Variants in CTIF observed in about 807,000 individuals in gnomAD.
CTIF encodes the protein CBP80/20-dependent translation initiation factor.
CTIF carries 21 observed loss-of-function variants against 66.0 expected under a neutral mutation model. The ratio of observed to expected loss-of-function variants is 0.32; its 90% CI spans 0.23 to 0.46. The LOEUF is 0.46. CTIF is among the 20% of genes least tolerant of loss of function. CTIF has a pLI of 1.00. For missense variants in CTIF, 739 were observed against 812.7 expected (o/e 0.91, Z 1.10); for synonymous variants, 345 against 326.4 (o/e 1.06, Z -0.62).
At chr18:48,611,528 A>T (rs7240702) in intron 1 of CTIF, among the ~76,000 whole-genome samples, 1 of 152,220 alleles carries the variant, frequency 6.6e-6, no homozygotes, top group East Asian at 1.9e-4. Flanking sequence ...ATGGATAAAG[A>T]AGACGTGCAA....
intron 3 of CTIF, among the ~76,000 whole-genome samples, chr18:48,657,601 T>C (rs1322028516): frequency 6.6e-6 from 1 of 152,122 alleles, no homozygotes; most frequent in Non-Finnish European, 1.5e-5. Context: ...GAATCAGCTC[T>C]GCACGGGAGT....
intron 2 of CTIF, among the ~76,000 whole-genome samples, chr18:48,634,868 G>A (rs1281364887): frequency 6.6e-6 from 1 of 152,230 alleles, no homozygotes; most frequent in Non-Finnish European, 1.5e-5. Flanking sequence ...TGTGCTCTAA[G>A]TGGATTTCTA....
At position 48,540,880 on chromosome 18, in the gene CTIF, C is replaced by T. The variant is rs78405373; in HGVS notation, c.-29+1568C>T. Among the ~76,000 whole-genome samples the T allele has an allele frequency of 8.3e-3, 1,268 of 152,164 alleles. 14 individuals are homozygous for T. Among genetic ancestry groups the T allele is most frequent in the African/African-American group, 0.029 (1,203 of 41,558 alleles). On this transcript the variant is annotated intron_variant, in intron 1 of 11. Coordinates refer to ENST00000256413, the MANE Select transcript of CTIF (RefSeq NM_014772.3). The stretch of plus-strand genomic sequence containing the variant: ...CGCCCGAGTTACTTGGAGAGGGGAC[C>T]GTGCGGCTGTGGGCCGGGGAAGACC...
At chr18:48,656,526 A>G (rs62102958) in intron 3 of CTIF, among the ~76,000 whole-genome samples, 6,358 of 152,230 alleles carry the variant, frequency 0.042, 177 homozygotes, top group South Asian at 0.12. Flanking sequence ...ACCTCCCCTG[A>G]GCTGGGGATG....
At chr18:48,603,095 ATGGG>A (rs942340378) in intron 1 of CTIF, among the ~76,000 whole-genome samples, 2 of 143,438 alleles carry the variant, frequency 1.4e-5, no homozygotes, top group Non-Finnish European at 3.0e-5. Flanking sequence ...GGATGGCTAG[ATGGG>A]TGGGTGGGTG....
chr18:48,732,651 G>C (rs2092466741), intron 7 of CTIF, among the ~76,000 whole-genome samples: 1 of 152,200 alleles, frequency 6.6e-6, no homozygotes, highest in Non-Finnish European at 1.5e-5. Context: ...TCCTTCCCCA[G>C]CTCCTTCTGG....
At position 48,599,782 on chromosome 18, in the gene CTIF, G is replaced by T. The variant is rs1401621438; in HGVS notation, c.-28-19756G>T. The stretch of plus-strand genomic sequence containing the variant: ...GAGATCTCCTCTAGCGACAGGGTGG[G>T]TACCATGTGCTGGAGTTAGGAGGCG... On this transcript the variant is annotated intron_variant, in intron 1 of 11. Coordinates refer to ENST00000256413, the MANE Select transcript of CTIF (RefSeq NM_014772.3). Among the ~76,000 whole-genome samples the T allele has an allele frequency of 2.0e-5, 3 of 152,208 alleles. No individual in the cohort carries two copies. The East Asian group carries it at 5.8e-4, about 29-fold the overall frequency.
intron 10 of CTIF, among the ~76,000 whole-genome samples, chr18:48,854,287 G>T (rs1293174005): frequency 6.6e-6 from 1 of 152,162 alleles, no homozygotes; most frequent in Non-Finnish European, 1.5e-5. Context: ...GAACAGCTGG[G>T]AAGTGACCCA....
chr18:48,822,165 G>A (rs1336294186), intron 10 of CTIF, among the ~76,000 whole-genome samples: 2 of 152,094 alleles, frequency 1.3e-5, no homozygotes, highest in African/African-American at 4.8e-5. Context: ...TCTTTGTAAA[G>A]GCTGAATAGT....
At chr18:48,637,528 C>T (rs1053111774) in intron 3 of CTIF, among the ~76,000 whole-genome samples, 1 of 152,236 alleles carries the variant, frequency 6.6e-6, no homozygotes, top group African/African-American at 2.4e-5. Context: ...GGTTTCAGAG[C>T]CGCTGCAGTC....
At chr18:48,828,878 C>G (rs2068635753) in intron 10 of CTIF, among the ~76,000 whole-genome samples, 1 of 152,248 alleles carries the variant, frequency 6.6e-6, no homozygotes, top group Non-Finnish European at 1.5e-5. Flanking sequence ...GCCCCGCCTT[C>G]GCAGCCCTGG....
At chr18:48,737,307 C>T (rs996431943) in intron 7 of CTIF, among the ~76,000 whole-genome samples, 3 of 152,234 alleles carry the variant, frequency 2.0e-5, no homozygotes, top group African/African-American at 7.2e-5. Context: ...TCCTAAGTCT[C>T]CAGCTCCTGC....
At chr18:48,732,138 C>T (rs559075210) in intron 7 of CTIF, among the ~76,000 whole-genome samples, 1 of 152,198 alleles carries the variant, frequency 6.6e-6, no homozygotes, top group Non-Finnish European at 1.5e-5. Flanking sequence ...ACCTGGCCGC[C>T]GGGCTCACAT....
chr18:48,741,857 G>C (rs2092557853), intron 7 of CTIF, among the ~76,000 whole-genome samples: 1 of 152,172 alleles, frequency 6.6e-6, no homozygotes, highest in African/African-American at 2.4e-5. Context: ...AGCACAAGAA[G>C]GGAGCACAGG....
At chr18:48,674,195 G>A (rs2091587898) in intron 6 of CTIF, among the ~76,000 whole-genome samples, 1 of 152,266 alleles carries the variant, frequency 6.6e-6, no homozygotes, top group South Asian at 2.1e-4. Flanking sequence ...GAGAGGCACA[G>A]CCTAGTAGAG....
intron 7 of CTIF, among the ~76,000 whole-genome samples, chr18:48,742,920 C>A (rs1351821926): frequency 6.6e-6 from 1 of 152,212 alleles, no homozygotes; most frequent in Non-Finnish European, 1.5e-5. Context: ...CAGGACTTGG[C>A]CCCTCCACCA....
intron 1 of CTIF, among the ~76,000 whole-genome samples, chr18:48,594,203 A>G (rs2337070): frequency 0.42 from 63,477 of 151,888 alleles, 15,392 homozygotes; most frequent in African/African-American, 0.68. Context: ...TGGCTTCCTG[A>G]GCCTGCACCC....
chr18:48,561,221 G>T (rs2089151708), intron 1 of CTIF, among the ~76,000 whole-genome samples: 1 of 125,812 alleles, frequency 7.9e-6, no homozygotes. Context: ...TTGGGCGACA[G>T]TGAGACTCTG....
At chr18:48,670,064 G>A (rs1047195518) in intron 5 of CTIF, among the ~76,000 whole-genome samples, 8 of 151,690 alleles carry the variant, frequency 5.3e-5, no homozygotes, top group African/African-American at 7.3e-5. Flanking sequence ...GGGATGCAGC[G>A]GGGATTCAAA....
Sources: gnomAD v4.1 joint callset for allele counts (sites outside exome capture counted in the v4.1 genomes callset) on GRCh38, gnomAD v4.1.1 for gene constraint, MANE v1.5 for transcripts, NCBI Gene and HGNC (gene_info 2026-07-23, HGNC 2026-07-21) for gene names.